The following ZNF280D variants were observed in gnomAD, a reference collection of about 807,000 sequenced individuals.
ZNF280D encodes the protein suppressor of hairy wing homolog 4.
In ZNF280D, 39 loss-of-function variants were observed where a neutral mutation model predicts 94.7. The observed-to-expected ratio is 0.41, with a 90% CI of 0.32 to 0.54. The LOEUF is 0.54. ZNF280D is among the 20% of genes least tolerant of loss of function. The pLI is 0.22. For missense variants in ZNF280D, 1,090 were observed against 1,149.3 expected (o/e 0.95, Z 0.75); for synonymous variants, 398 against 377.6 (o/e 1.05, Z -0.63).
In ZNF280D at chr15:56,631,990, G is replaced by A. The variant is rs751834934; in HGVS notation, c.2448C>T (p.Asp816=). 1.7e-5 allele frequency: 27 copies of A among 1,613,924 alleles called. No individual in the cohort carries two copies. Among genetic ancestry groups the A allele is most frequent in the South Asian group, 2.2e-5 (2 of 91,072 alleles). Reference sequence around the variant, plus strand: ...CGATGTTTTTTGAGCCAGTTTCCTGGTCTGCAAGACAGGTTTCATTTTCCT... The same window carrying A: ...CGATGTTTTTTGAGCCAGTTTCCTGATCTGCAAGACAGGTTTCATTTTCCT... ...SDKENETCLA[D]QETGSKNIVS... is the part of the protein sequence containing the mutation. Residue 816 remains aspartate (D), a synonymous_variant, in exon 22 of 22, where the codon GAC becomes GAT. Transcript: ENST00000267807.
intron 1 of ZNF280D, among the ~76,000 whole-genome samples, chr15:56,719,040 T>A (rs2058197388): frequency 6.6e-6 from 1 of 152,166 alleles, no homozygotes; most frequent in South Asian, 2.1e-4. Context: ...TTCCACAAAG[T>A]TTAGACCTCA....
chr15:56,693,302 AATTAT>A (rs2056532175), intron 6 of ZNF280D, 87 bp from the exon 7 acceptor site: 2 of 354,054 alleles, frequency 5.6e-6, no homozygotes, highest in African/African-American at 4.4e-5. Flanking sequence ...AATTTTATAT[AATTAT>A]ATAAGAATTT....
rs1282063123 is a variant in ZNF280D, at chr15:56,701,005, G to A, written c.309C>T (p.Ala103=). ...YTNPTSNPVP[A]SPINFHPESR... is the part of the protein sequence containing the mutation. The stretch of plus-strand genomic sequence containing the variant: ...ACTCAGGATGAAAATTTATTGGTGA[G>A]GCAGGCACTGGATTTGATGTTGGAT... Residue 103 remains alanine (A), a synonymous_variant, in exon 6 of 22, where the codon GCC becomes GCT. Coordinates refer to ENST00000267807, the MANE Select transcript of ZNF280D (RefSeq NM_017661.4). 1 of 1,613,806 alleles carries A rather than the reference G, an allele frequency of 6.2e-7. No homozygotes were observed. Among genetic ancestry groups the A allele is most frequent in the Non-Finnish European group, 8.5e-7 (1 of 1,179,866 alleles).
intron 7 of ZNF280D, among the ~76,000 whole-genome samples, chr15:56,690,125 G>A (rs1336364482): frequency 6.6e-6 from 1 of 152,200 alleles, no homozygotes; most frequent in African/African-American, 2.4e-5. Flanking sequence ...GCTCACGCCT[G>A]TAATCCCAGC....
At chr15:56,707,944 T>A (rs1174904071) in intron 1 of ZNF280D, among the ~76,000 whole-genome samples, 1 of 151,962 alleles carries the variant, frequency 6.6e-6, no homozygotes, top group Non-Finnish European at 1.5e-5. Context: ...AGAATAAACA[T>A]TTTTTTAAAA....
intron 10 of ZNF280D, among the ~76,000 whole-genome samples, chr15:56,679,773 T>A (rs1433456292): frequency 6.6e-6 from 1 of 152,208 alleles, no homozygotes; most frequent in Non-Finnish European, 1.5e-5. Flanking sequence ...GCAATCATCA[T>A]GAAGATTATA....
chr15:56,667,278 T>C (rs1204111318), intron 14 of ZNF280D, among the ~76,000 whole-genome samples: 1 of 152,180 alleles, frequency 6.6e-6, no homozygotes, highest in Non-Finnish European at 1.5e-5. Context: ...GCACATTCCA[T>C]AGCTATTTTT....
At chr15:56,669,429 T>C (rs1414222890) in intron 13 of ZNF280D, among the ~76,000 whole-genome samples, 1 of 151,976 alleles carries the variant, frequency 6.6e-6, no homozygotes, top group East Asian at 1.9e-4. Context: ...AGTGGTTACA[T>C]AAACCAATGC....
chr15:56,709,868 G>A (rs986380900), intron 1 of ZNF280D, among the ~76,000 whole-genome samples: 36 of 152,086 alleles, frequency 2.4e-4, no homozygotes, highest in Admixed American at 5.2e-4. Flanking sequence ...TTGGGTGGGG[G>A]TAGAGGGGAG....
chr15:56,676,825 A>G lies in ZNF280D; in HGVS notation c.1264-9T>C. On this transcript the variant is annotated splice_polypyrimidine_tract_variant and intron_variant, in intron 12 of 21. Transcript: ENST00000267807. ...GATCTATAATTACAAACCTAAAAAA[A>G]GAAAGAAGGCTTAGTTTAACTTGAA... 6.4e-7 allele frequency: 1 copy of G among 1,573,666 alleles called. No individual in the cohort carries two copies. Among genetic ancestry groups the G allele is most frequent in the Non-Finnish European group, 8.6e-7 (1 of 1,157,708 alleles).
intron 17 of ZNF280D, among the ~76,000 whole-genome samples, chr15:56,656,078 TAA>T (rs1321356564): frequency 6.6e-6 from 1 of 152,168 alleles, no homozygotes; most frequent in East Asian, 1.9e-4. Flanking sequence ...CTCTCTGAAA[TAA>T]GTCTCATTGC....
intron 16 of ZNF280D, among the ~76,000 whole-genome samples, chr15:56,660,764 T>C (rs558500071): frequency 1.2e-4 from 18 of 152,186 alleles, no homozygotes; most frequent in Non-Finnish European, 1.6e-4. Context: ...GTGAATTTTA[T>C]TGTGTATAAA....
At chr15:56,673,322 T>C (rs1447776965) in intron 13 of ZNF280D, among the ~76,000 whole-genome samples, 7 of 152,054 alleles carry the variant, frequency 4.6e-5, no homozygotes, top group African/African-American at 1.7e-4. Context: ...TATCTCAGTA[T>C]ATGAAAACTC....
intron 19 of ZNF280D, among the ~76,000 whole-genome samples, chr15:56,652,100 C>T (rs543481962): frequency 3.3e-5 from 5 of 150,396 alleles, no homozygotes; most frequent in Admixed American, 2.0e-4. Flanking sequence ...AAACTACTTG[C>T]GGAGATTTTG....
At chr15:56,718,690 T>C (rs111485025) in intron 1 of ZNF280D, among the ~76,000 whole-genome samples, 4 of 152,160 alleles carry the variant, frequency 2.6e-5, no homozygotes, top group African/African-American at 9.7e-5. Flanking sequence ...AAATCTGATC[T>C]AGGTTGCAAA....
At chr15:56,643,188 G>T in intron 19 of ZNF280D, 191 bp from the exon 20 acceptor site, 1 of 364,424 alleles carries the variant, frequency 2.7e-6, no homozygotes, top group African/African-American at 2.1e-5. Context: ...CTAAATAGTA[G>T]ATTCGATAAA....
At chr15:56,731,151 C>A (rs1453949038) in intron 1 of ZNF280D, among the ~76,000 whole-genome samples, 5 of 152,086 alleles carry the variant, frequency 3.3e-5, no homozygotes, top group East Asian at 1.9e-4. Flanking sequence ...TCAGGAGGAA[C>A]TATCACTAAA....
chr15:56,681,021 C>G (rs2055581901), intron 10 of ZNF280D, among the ~76,000 whole-genome samples: 1 of 152,130 alleles, frequency 6.6e-6, no homozygotes, highest in African/African-American at 2.4e-5. Flanking sequence ...TTTTGTTAAA[C>G]TACTGCAACC....
intron 1 of ZNF280D, among the ~76,000 whole-genome samples, chr15:56,720,311 C>T (rs985352697): frequency 6.6e-6 from 1 of 152,194 alleles, no homozygotes; most frequent in Admixed American, 6.5e-5. Context: ...AACAACTCCT[C>T]ATTCATTCAA....
Sources: allele counts gnomAD v4.1 joint callset (sites outside exome capture counted in the v4.1 genomes callset), GRCh38; gene constraint gnomAD v4.1.1; transcripts MANE v1.5; gene names NCBI Gene and HGNC (gene_info 2026-07-23, HGNC 2026-07-21).